Variants in JAK2 observed in about 807,000 individuals in gnomAD.
The protein encoded by JAK2 is tyrosine-protein kinase JAK2.
In JAK2, 86 loss-of-function variants were observed where a neutral mutation model predicts 139.3. That is an observed-to-expected ratio of 0.62 (90% CI 0.52 to 0.74). The LOEUF (loss-of-function observed/expected upper bound fraction) is 0.74. Ranked by LOEUF, JAK2 falls within the 30% of genes least tolerant of loss-of-function variation. The probability of loss-of-function intolerance (pLI) is 0.00; values close to 1 mark genes in which losing one functional copy is unlikely to be tolerated. For missense variants in JAK2, 1,421 were observed against 1,360.3 expected (o/e 1.04, Z -0.70); for synonymous variants, 490 against 437.7 (o/e 1.12, Z -1.49).
chr9:5,088,873 C>T (rs201721926), intron 19 of JAK2, among the ~76,000 whole-genome samples: 1 of 152,230 alleles, frequency 6.6e-6, no homozygotes, highest in East Asian at 1.9e-4. Flanking sequence ...ATCACCTCCT[C>T]ACAAGGCCCT....
chr9:5,010,288 C>G (rs1821607150), intron 2 of JAK2, among the ~76,000 whole-genome samples: 1 of 151,858 alleles, frequency 6.6e-6, no homozygotes, highest in South Asian at 2.1e-4. Flanking sequence ...TAAGCCCTAC[C>G]ATACACCGTT....
chr9:5,049,065 G>T (rs1328917), intron 5 of JAK2, among the ~76,000 whole-genome samples: 93,880 of 152,044 alleles, frequency 0.62, 31,146 homozygotes, highest in African/African-American at 0.88. Context: ...TCATTCTTTA[G>T]ACAATATATA....
At chr9:4,994,966 C>T (rs1029190187) in intron 2 of JAK2, among the ~76,000 whole-genome samples, 1 of 151,898 alleles carries the variant, frequency 6.6e-6, no homozygotes, top group Non-Finnish European at 1.5e-5. Flanking sequence ...GTGACTATAA[C>T]TAAAGATTAA....
At chr9:5,102,449 C>G (rs1376586685) in intron 22 of JAK2, among the ~76,000 whole-genome samples, 1 of 152,098 alleles carries the variant, frequency 6.6e-6, no homozygotes, top group African/African-American at 2.4e-5. Flanking sequence ...GAGAATGGAA[C>G]CAAGCTGGAA....
intron 22 of JAK2, among the ~76,000 whole-genome samples, chr9:5,103,082 T>G (rs1008800681): frequency 4.6e-5 from 7 of 151,190 alleles, no homozygotes; most frequent in African/African-American, 1.7e-4. Flanking sequence ...ATGCCCCAAT[T>G]AAAAAACACA....
chr9:5,080,325 T>C lies in JAK2; in HGVS notation c.2228T>C (p.Leu743Ser). The change falls in exon 17 of 25, where the codon TTG becomes TCG. Residue 743 changes from leucine to serine, a missense_variant. Coordinates refer to ENST00000381652, the MANE Select transcript of JAK2 (RefSeq NM_004972.4). ...ATDKWSFGTT[L>S]WEICSGGDKP... The stretch of plus-strand genomic sequence containing the variant: ...GACAAATGGAGTTTTGGTACCACTT[T>C]GTGGGAAATCTGCAGTGGAGGAGAT... 1.9e-6 allele frequency: 3 copies of C among 1,613,984 alleles called. No homozygotes were observed. Among genetic ancestry groups the C allele is most frequent in the Non-Finnish European group, 2.5e-6 (3 of 1,179,870 alleles).
chr9:5,099,138 A>T (rs1261712165), intron 22 of JAK2: 1 of 152,208 alleles, frequency 6.6e-6, no homozygotes, highest in Admixed American at 6.5e-5. Context: ...TGCACTCATG[A>T]ACTATCCCCT....
intron 2 of JAK2, among the ~76,000 whole-genome samples, chr9:4,992,356 G>C (rs1820304129): frequency 6.6e-6 from 1 of 152,212 alleles, no homozygotes; most frequent in Non-Finnish European, 1.5e-5. Context: ...TAGCTGCACA[G>C]TATAACTTCT....
chr9:5,024,833 C>A (rs1236089811), intron 3 of JAK2, among the ~76,000 whole-genome samples: 3 of 152,096 alleles, frequency 2.0e-5, no homozygotes, highest in Non-Finnish European at 2.9e-5. Flanking sequence ...CCAGTCAGGG[C>A]AAAAGAGAGA....
At chr9:5,116,103 G>A (rs1294073592) in intron 22 of JAK2, among the ~76,000 whole-genome samples, 1 of 151,560 alleles carries the variant, frequency 6.6e-6, no homozygotes, top group African/African-American at 2.4e-5. Context: ...GGCTTACATT[G>A]GGCTAAATGC....
intron 19 of JAK2, among the ~76,000 whole-genome samples, chr9:5,083,332 G>T (rs1251576226): frequency 1.3e-5 from 2 of 152,156 alleles, no homozygotes; most frequent in Non-Finnish European, 2.9e-5. Flanking sequence ...GGAATGCTCA[G>T]TTCTTAGTAG....
chr9:5,114,208 C>A, intron 22 of JAK2: 1 of 496,748 alleles, frequency 2.0e-6, no homozygotes, highest in South Asian at 1.8e-5. Flanking sequence ...CTGAGCCGGT[C>A]CAGCCCCTTC....
chr9:5,119,117 C>T (rs1823424241), intron 22 of JAK2, among the ~76,000 whole-genome samples: 1 of 152,078 alleles, frequency 6.6e-6, no homozygotes. Flanking sequence ...TCTCAGCTAC[C>T]TCAAAGGTTG....
At chr9:5,009,908 C>T (rs1415443344) in intron 2 of JAK2, among the ~76,000 whole-genome samples, 1 of 152,026 alleles carries the variant, frequency 6.6e-6, no homozygotes, top group African/African-American at 2.4e-5. Flanking sequence ...GTAGCTAGTA[C>T]TACAGGTGCA....
Position 5,081,815 on chromosome 9 carries a change from CA to C in JAK2, c.2526del (p.Gln843SerfsTer7). The C allele has an allele frequency of 6.2e-7, 1 of 1,613,572 alleles. No individual in the cohort carries two copies. The highest frequency in any genetic ancestry group is 8.5e-7 in the Non-Finnish European group (1 of 1,179,506). On this transcript the variant is annotated frameshift_variant, in exon 19 of 25. Coordinates refer to ENST00000381652, the MANE Select transcript of JAK2 (RefSeq NM_004972.4). LOFTEE classifies it high-confidence loss of function. ...FSGAFEDRDP[T>X]QFEERHLKFL... ...GGTGCCTTTGAAGACCGGGATCCTA[CA>C]CAGTTTGAAGAGAGACATTTGAAAT...
intron 2 of JAK2, among the ~76,000 whole-genome samples, chr9:4,986,687 T>A (rs980903817): frequency 2.0e-5 from 3 of 151,946 alleles, no homozygotes; most frequent in Admixed American, 6.6e-5. Context: ...GTGTTTTGGA[T>A]TTTTTTTAAA....
At chr9:5,029,734 AT>A in intron 3 of JAK2, 48 bp from the exon 4 acceptor site, 1 of 1,489,056 alleles carries the variant, frequency 6.7e-7, no homozygotes, top group African/African-American at 1.4e-5. Context: ...CTATGTAAAA[AT>A]ATTCTGTTGT....
chr9:5,117,469 G>A (rs989147820), intron 22 of JAK2, among the ~76,000 whole-genome samples: 6 of 152,088 alleles, frequency 3.9e-5, no homozygotes, highest in African/African-American at 7.2e-5. Flanking sequence ...CATAATAATG[G>A]ATGTTATTTG....
chr9:5,082,191 G>A (rs1819750938), intron 19 of JAK2, among the ~76,000 whole-genome samples: 1 of 152,214 alleles, frequency 6.6e-6, no homozygotes, highest in African/African-American at 2.4e-5. Context: ...ACCAACACTG[G>A]TCTCTGAGTT....
Sources: allele counts gnomAD v4.1 joint callset (sites outside exome capture counted in the v4.1 genomes callset), GRCh38; gene constraint gnomAD v4.1.1; transcripts MANE v1.5; gene names NCBI Gene and HGNC (gene_info 2026-07-23, HGNC 2026-07-21).